PSMD2: variants seen among roughly 807,000 people sequenced by gnomAD.
PSMD2 encodes 26S proteasome non-ATPase regulatory subunit 2.
PSMD2 carries 8 observed loss-of-function variants against 101.5 expected under a neutral mutation model. That is an observed-to-expected ratio of 0.08 (90% CI 0.05 to 0.14). PSMD2 has a LOEUF of 0.14. Among genes scored for constraint, PSMD2 ranks in the 10% least tolerant of loss-of-function variants. The pLI is 1.00. For missense variants in PSMD2, 784 were observed against 1,147.4 expected, an observed-to-expected ratio of 0.68 and a Z score of 4.58; for synonymous variants, 418 against 433.8, an observed-to-expected ratio of 0.96 and a Z score of 0.45.
At position 184,306,151 on chromosome 3, in the gene PSMD2, T is replaced by C; in HGVS notation, c.1800T>C (p.Tyr600=). 6.2e-7 allele frequency: 1 copy of C among 1,614,174 alleles called. No individual in the cohort carries two copies. Among genetic ancestry groups the C allele is most frequent in the Non-Finnish European group, 8.5e-7 (1 of 1,179,996 alleles). ...FANTLVDVCA[Y]AGSGNVLKVQ... is the part of the protein sequence containing the mutation. ...ACACACTGGTGGATGTGTGTGCATA[T>C]GCAGGTCTGTGTCTTTATGAGTCTG... Residue 600 remains tyrosine (Y), a synonymous_variant, in exon 14 of 21, where the codon TAT becomes TAC. Transcript: ENST00000310118.
At position 184,305,814 on chromosome 3, in the gene PSMD2, C is replaced by G; in HGVS notation, c.1586C>G (p.Ser529Cys). ...ALACGMIAVGSCNGDVTSTIL... is the reference protein window; with the variant it reads ...ALACGMIAVGCCNGDVTSTIL... ...GCCTGTGGAATGATAGCAGTAGGGT[C>G]CTGCAATGGAGATGTAACTTCCACT... Residue 529 changes from serine (S) to cysteine (C), a missense_variant, in exon 13 of 21, where the codon TCC (serine) becomes TGC (cysteine). Ser to Cys is a moderately radical substitution (Grantham distance 112). Coordinates refer to ENST00000310118, the MANE Select transcript of PSMD2 (RefSeq NM_002808.5). 6.2e-7 allele frequency: 1 copy of G among 1,614,112 alleles called. No individual in the cohort carries two copies. Among genetic ancestry groups the G allele is most frequent in the Non-Finnish European group, 8.5e-7 (1 of 1,180,014 alleles).
rs1175227651 is a variant in PSMD2, at chr3:184,299,324, GC to G, written c.63del (p.Gly22AlafsTer42). ...PVQPQQSPAAAPGGTDEKPSG... is the reference protein window; with the variant it reads ...PVQPQQSPAAXPGGTDEKPSG... ...GCAGCCCCAGCAGTCTCCAGCGGCG[GC>G]CCCCGGCGGCACGGACGAGAAGCCG... On this transcript the variant is annotated frameshift_variant, in exon 1 of 21. Transcript: ENST00000310118. LOFTEE classifies it high-confidence loss of function. The G allele has an allele frequency of 3.4e-5, 48 of 1,406,874 alleles. No individual in the cohort carries two copies. The highest frequency in any genetic ancestry group is 1.9e-4 in the Admixed American group (6 of 32,188). 87.1% of individuals were successfully genotyped at this position (1,406,874 alleles called of 1,614,324 possible). A position where few individuals can be genotyped will look rare whatever the true frequency, so the allele number is the denominator to read the frequency against.
intron 12 of PSMD2, among the ~76,000 whole-genome samples, chr3:184,305,529 A>G (rs1721803425): frequency 6.6e-6 from 1 of 151,502 alleles, no homozygotes; most frequent in Non-Finnish European, 1.5e-5. Flanking sequence ...TAACCTCAGG[A>G]TCTGTGACCT....
chr3:184,307,844 T>C, intron 18 of PSMD2, 46 bp from the exon 19 acceptor site: 4 of 1,613,008 alleles, frequency 2.5e-6, no homozygotes, highest in Non-Finnish European at 2.5e-6. Context: ...AGGCGATGTC[T>C]CCTCAGTGGT....
chr3:184,302,277 G>A (rs923812272), intron 5 of PSMD2, 93 bp from the exon 6 acceptor site: 13 of 1,355,578 alleles, frequency 9.6e-6, no homozygotes, highest in Admixed American at 4.3e-5. Flanking sequence ...GGTGTATATA[G>A]TAGATATTTA....
chr3:184,302,879 C>T, intron 7 of PSMD2, 56 bp downstream of exon 7: 1 of 1,612,140 alleles, frequency 6.2e-7, no homozygotes, highest in African/African-American at 1.3e-5. Context: ...CCTGCCATTT[C>T]ACCTCCCTGA....
chr3:184,302,187 T>TA (rs1360017666), intron 5 of PSMD2, 116 bp downstream of exon 5: 2 of 1,267,632 alleles, frequency 1.6e-6, no homozygotes, highest in Non-Finnish European at 2.2e-6. Context: ...ACGCTGTAGT[T>TA]AATCTTTTGA....
chr3:184,305,064 G>A (rs920506978), intron 12 of PSMD2, among the ~76,000 whole-genome samples: 21 of 152,154 alleles, frequency 1.4e-4, no homozygotes. Context: ...GTCATTAATG[G>A]ATAAATACAG....
In PSMD2 at chr3:184,304,953, A is replaced by G. The variant is rs1721780190; in HGVS notation, c.1539+562A>G. On this transcript the variant is annotated intron_variant, in intron 12 of 20. Transcript: ENST00000310118. This position sits in a 1 kb window ranked among gnomAD's most constrained non-coding sequence, Gnocchi z 4.1. ...TGTCCCTTGGAATCTCTGAGAAACT[A>G]CTTGGACTAGAGTGAAGTGTAACTT... Among the ~76,000 whole-genome samples the G allele has an allele frequency of 6.6e-6, 1 of 152,192 alleles. No individual in the cohort carries two copies. Among genetic ancestry groups the G allele is most frequent in the African/African-American group, 2.4e-5 (1 of 41,452 alleles).
rs1721739600 is a variant in PSMD2 at position 184,304,021 on chromosome 3, C to G, written c.1398C>G (p.Leu466=). 1 of 1,614,246 alleles carries G rather than the reference C, an allele frequency of 6.2e-7. No homozygotes were observed. Among genetic ancestry groups the G allele is most frequent in the Non-Finnish European group, 8.5e-7 (1 of 1,180,040 alleles). The change falls in exon 11 of 21, where the codon CTC becomes CTG. Residue 466 remains leucine (L), a synonymous_variant. Coordinates refer to ENST00000310118, the MANE Select transcript of PSMD2 (RefSeq NM_002808.5). This position sits in a 1 kb window ranked among gnomAD's most constrained non-coding sequence, Gnocchi z 4.1. ...RNECDPALAL[L]SDYVLHNSNT... is the part of the protein sequence containing the mutation. ...AGTGTGACCCTGCTCTGGCACTGCT[C>G]TCAGACTATGTTCTCCACAACAGCA...
intron 8 of PSMD2, 125 bp from the exon 9 acceptor site, chr3:184,303,195 G>T (rs532042797): frequency 1.1e-5 from 16 of 1,486,300 alleles, no homozygotes; most frequent in Non-Finnish European, 1.3e-5. Context: ...GTCACTGCTT[G>T]GGGGGGTATA....
At position 184,306,498 on chromosome 3, in the gene PSMD2, T is replaced by A; in HGVS notation, c.1950+3T>A. On this transcript the variant is annotated splice_donor_region_variant and intron_variant, in intron 15 of 20. Transcript: ENST00000310118. ...CTGCTGACATGGGAGCACATCAGGT[T>A]ATATGGGCAGCTGGGCACTTGCAGA... The A allele has an allele frequency of 6.2e-7, 1 of 1,612,130 alleles. No individual in the cohort carries two copies. Among genetic ancestry groups the A allele is most frequent in the Non-Finnish European group, 8.5e-7 (1 of 1,179,264 alleles).
chr3:184,300,298 T>C lies in PSMD2; in HGVS notation c.211T>C (p.Tyr71His), dbSNP rs1721600276. The C allele has an allele frequency of 6.2e-7, 1 of 1,613,960 alleles. No individual in the cohort carries two copies. The highest frequency in any genetic ancestry group is 8.5e-7 in the Non-Finnish European group (1 of 1,179,840). The part of the protein sequence containing the change: ...ERLGEKDTSL[Y>H]RPALEELRRQ... ...TGATCAGGAGAAGGATACATCCCTGTATCGACCAGCGCTGGAGGAATTGCG... is the reference window on the plus strand; with the variant it reads ...TGATCAGGAGAAGGATACATCCCTGCATCGACCAGCGCTGGAGGAATTGCG... The change falls in exon 3 of 21, where the codon TAT (tyrosine) becomes CAT (histidine). Residue 71 changes from tyrosine to histidine, a missense_variant. Physicochemically the swap from Tyr to His is moderately conservative, Grantham distance 83. Around this residue, in one of 6 missense-constraint regions of PSMD2, gnomAD observed 196 missense variants for 182.4 expected, o/e 1.07. Transcript: ENST00000310118.
rs758650323 is a variant in PSMD2, at chr3:184,305,769, T to C, written c.1541T>C (p.Val514Ala). Residue 514 changes from valine (V) to alanine (A), a missense_variant and splice_region_variant, in exon 13 of 21, where the codon GTG becomes GCG. Physicochemically the swap from Val to Ala is moderately conservative, Grantham distance 64 (BLOSUM62 0). Coordinates refer to ENST00000310118, the MANE Select transcript of PSMD2 (RefSeq NM_002808.5). ...TAATACTGATTTTCCTACCTCTAGG[T>C]GGCAGGTGTCACAGCTTTAGCCTGT... The part of the protein sequence containing the change: ...VMGDSKSSME[V>A]AGVTALACGM... The C allele has an allele frequency of 6.2e-7, 1 of 1,613,076 alleles. No individual in the cohort carries two copies. Among genetic ancestry groups the C allele is most frequent in the African/African-American group, 1.3e-5 (1 of 75,024 alleles).
chr3:184,303,306 C>G lies in PSMD2; in HGVS notation c.1070-14C>G, dbSNP rs1721713303. On this transcript the variant is annotated splice_polypyrimidine_tract_variant and intron_variant, in intron 8 of 20. Transcript: ENST00000310118. ...AACCTTCTTTCCTTACTTTTCCTCT[C>G]CCTCCTGTTGCAGGGTTTGGGGGCA... 4 of 1,607,178 alleles carry G rather than the reference C, an allele frequency of 2.5e-6. No individual in the cohort carries two copies. The highest frequency in any genetic ancestry group is 3.4e-6 in the Non-Finnish European group (4 of 1,177,756).
intron 16 of PSMD2, 40 bp from the exon 17 acceptor site, chr3:184,307,317 C>T (rs753181904): frequency 1.1e-5 from 18 of 1,604,126 alleles, no homozygotes; most frequent in Non-Finnish European, 1.5e-5. Flanking sequence ...TTTGTTTTTA[C>T]TGCATTCCGC....
At position 184,308,836 on chromosome 3, in the gene PSMD2, C is replaced by A. The variant is rs764580346; in HGVS notation, c.2673C>A (p.Thr891=). ...ELATEEFLPV[T]PILEGFVILR... is the part of the protein sequence containing the mutation. ...CCACTGAGGAGTTTCTTCCTGTTACCCCCATTCTGGAAGGTTTTGTTATCC... is the reference window on the plus strand; with the variant it reads ...CCACTGAGGAGTTTCTTCCTGTTACACCCATTCTGGAAGGTTTTGTTATCC... The change falls in exon 21 of 21, where the codon ACC becomes ACA. Residue 891 remains threonine, a synonymous_variant. Coordinates refer to ENST00000310118, the MANE Select transcript of PSMD2 (RefSeq NM_002808.5). The surrounding 1 kb of genome is among the most constrained non-coding windows in gnomAD (Gnocchi z 6.0). 14 of 1,612,896 alleles carry A rather than the reference C, an allele frequency of 8.7e-6. No homozygotes were observed. Among genetic ancestry groups the A allele is most frequent in the Non-Finnish European group, 1.1e-5 (13 of 1,180,024 alleles).
chr3:184,308,468 C>T lies in PSMD2; in HGVS notation c.2445C>T (p.His815=), dbSNP rs768020553. 1 of 1,610,674 alleles carries T rather than the reference C, an allele frequency of 6.2e-7. No individual in the cohort carries two copies. The highest frequency in any genetic ancestry group is 2.2e-5 in the East Asian group (1 of 44,876). The part of the protein sequence containing the change: ...DVRNIILGKS[H]YVLYGLVAAM... ...CCTCAGTTATTCTAGGCAAATCACA[C>T]TATGTATTGTATGGGCTGGTGGCTG... The change falls in exon 20 of 21, where the codon CAC becomes CAT. Residue 815 remains histidine (H), a synonymous_variant. Transcript: ENST00000310118. This position sits in a 1 kb window ranked among gnomAD's most constrained non-coding sequence, Gnocchi z 6.0.
intron 12 of PSMD2, among the ~76,000 whole-genome samples, chr3:184,305,368 A>G (rs376841672): frequency 6.6e-6 from 1 of 152,066 alleles, no homozygotes; most frequent in African/African-American, 2.4e-5. Context: ...GCGCACCTAT[A>G]GTCCCAGCTA....
Sources: allele counts gnomAD v4.1 joint callset (sites outside exome capture counted in the v4.1 genomes callset), GRCh38; gene constraint gnomAD v4.1.1; regional missense constraint gnomAD v4.1.1; non-coding constraint Gnocchi (gnomAD v3.1); transcripts MANE v1.5; gene names NCBI Gene and HGNC (gene_info 2026-07-23, HGNC 2026-07-21).